Variants in CACNA1C observed in about 807,000 individuals in gnomAD.
CACNA1C encodes voltage-dependent L-type calcium channel subunit alpha-1C.
CACNA1C carries 30 observed loss-of-function variants against 229.0 expected under a neutral mutation model. That is an observed-to-expected ratio of 0.13 (90% confidence interval 0.10 to 0.18). The LOEUF is 0.18. CACNA1C is among the 10% of genes least tolerant of loss of function. The pLI, the probability that CACNA1C is intolerant of heterozygous loss-of-function variation, is 1.00. For missense variants in CACNA1C, 1,658 were observed against 2,845.0 expected (o/e 0.58, Z 9.49); for synonymous variants, 1,114 against 1,132.5 (o/e 0.98, Z 0.33).
At chr12:2,422,711 A>T (rs1319785347) in intron 3 of CACNA1C, among the ~76,000 whole-genome samples, 1 of 152,154 alleles carries the variant, frequency 6.6e-6, no homozygotes, top group Non-Finnish European at 1.5e-5. Flanking sequence ...GGTAAAGGGC[A>T]CCACCTTATG....
chr12:2,606,037 T>C (rs1453924451), intron 24 of CACNA1C, among the ~76,000 whole-genome samples: 1 of 152,086 alleles, frequency 6.6e-6, no homozygotes, highest in Non-Finnish European at 1.5e-5. Context: ...TGCCCTTCCT[T>C]CTAGAAAGAG....
chr12:2,052,936 G>C, upstream of CACNA1C: 1 of 970,988 alleles, frequency 1.0e-6, no homozygotes, highest in Non-Finnish European at 1.2e-6. Context: ...GGGCGCGGGC[G>C]CGGCGGGGCT....
chr12:1,990,285 G>C (rs2154473122), intron 1 of CACNA1C, among the ~76,000 whole-genome samples: 1 of 152,318 alleles, frequency 6.6e-6, no homozygotes, highest in Non-Finnish European at 1.5e-5. Context: ...ATAAATGAAT[G>C]AATGAAATGT....
chr12:2,422,129 A>T (rs2098985546), intron 3 of CACNA1C, among the ~76,000 whole-genome samples: 1 of 152,166 alleles, frequency 6.6e-6, no homozygotes. Flanking sequence ...TCAGTTTCCA[A>T]AAAGTAAACA....
rs566436898 is a variant in CACNA1C, at chr12:2,669,102, G to C, written c.4726+67G>C. On this transcript the variant is annotated intron_variant, in intron 38 of 46. Transcript: ENST00000399655. ...CTAGCAGACAATCAGAGAGGAGCTC[G>C]GCAGCCTGCAAAGTGCTCAAGGGAA... 5.3e-6 allele frequency: 6 copies of C among 1,134,556 alleles called. No homozygotes were observed. In the East Asian group the frequency reaches 1.4e-4, roughly 27 times the overall value. The allele number at this position is 1,134,556 out of a possible 1,614,324, so 70.3% of individuals were successfully genotyped here. A position where few individuals can be genotyped will look rare whatever the true frequency, so the allele number is the denominator to read the frequency against.
intron 3 of CACNA1C, among the ~76,000 whole-genome samples, chr12:2,209,222 T>C (rs557833433): frequency 5.9e-5 from 9 of 152,308 alleles, no homozygotes; most frequent in Admixed American, 4.6e-4. Context: ...AAGAATTTGT[T>C]TTTATAAAAA....
At chr12:2,199,545 G>A (rs1298644646) in intron 3 of CACNA1C, among the ~76,000 whole-genome samples, 1 of 152,050 alleles carries the variant, frequency 6.6e-6, no homozygotes, top group Non-Finnish European at 1.5e-5. Context: ...CTATCCTGTT[G>A]GTGAGCCTTC....
At chr12:2,669,064 ACACT>A (rs1569160853) in intron 38 of CACNA1C, 29 bp downstream of exon 38, 2 of 1,449,596 alleles carry the variant, frequency 1.4e-6, no homozygotes, top group Non-Finnish European at 1.9e-6. Flanking sequence ...ACTGGGAGAG[ACACT>A]CAGAAGGTCT....
chr12:2,328,987 A>G (rs544884248), intron 3 of CACNA1C, among the ~76,000 whole-genome samples: 5 of 152,180 alleles, frequency 3.3e-5, no homozygotes, highest in South Asian at 4.2e-4. Context: ...CCCTTGTTCT[A>G]TTTTTACCTC....
chr12:2,441,820 C>G (rs2154561182), intron 3 of CACNA1C, among the ~76,000 whole-genome samples: 1 of 152,302 alleles, frequency 6.6e-6, no homozygotes, highest in East Asian at 1.9e-4. Flanking sequence ...CATATTGGCT[C>G]CCTGGACCCT....
chr12:2,155,438 T>TA (rs2095508144), intron 3 of CACNA1C, among the ~76,000 whole-genome samples: 1 of 152,234 alleles, frequency 6.6e-6, no homozygotes, highest in African/African-American at 2.4e-5. Context: ...CAAAGGATCT[T>TA]AAGGACTTTT....
rs370864993 is a variant in CACNA1C at position 2,665,008 on chromosome 12, T to G, written c.4398+18T>G. On this transcript the variant is annotated intron_variant, in intron 35 of 46. Coordinates refer to ENST00000399655, the MANE Select transcript of CACNA1C (RefSeq NM_000719.7). The surrounding 1 kb of genome is among the most constrained non-coding windows in gnomAD (Gnocchi z 5.9). ...CCTTCCTGGTAAGCCAAGGGGGAAC[T>G]CAACAGCCAGCAGCCATGACTGCCC... 81 of 1,613,374 alleles carry G rather than the reference T, an allele frequency of 5.0e-5. No individual in the cohort carries two copies. The highest frequency in any genetic ancestry group is 6.8e-5 in the Non-Finnish European group (80 of 1,179,744).
At chr12:2,621,250 G>A (rs2083082270) in intron 29 of CACNA1C, among the ~76,000 whole-genome samples, 2 of 152,106 alleles carry the variant, frequency 1.3e-5, no homozygotes, top group African/African-American at 4.8e-5. Context: ...GCTGGGGTGG[G>A]GAAACTAAAG....
intron 3 of CACNA1C, among the ~76,000 whole-genome samples, chr12:2,336,473 G>C (rs2096699255): frequency 6.6e-6 from 1 of 152,126 alleles, no homozygotes; most frequent in Non-Finnish European, 1.5e-5. Flanking sequence ...GTGAATCTGA[G>C]ATTTCAACCA....
intron 3 of CACNA1C, among the ~76,000 whole-genome samples, chr12:2,441,060 G>A (rs190103614): frequency 3.9e-5 from 6 of 152,348 alleles, no homozygotes; most frequent in South Asian, 2.1e-4. Context: ...GAGATACAGC[G>A]TGCTGCTTGA....
chr12:2,051,988 T>A (rs1012342541), upstream of CACNA1C, among the ~76,000 whole-genome samples: 1 of 152,064 alleles, frequency 6.6e-6, no homozygotes, highest in African/African-American at 2.4e-5. Flanking sequence ...AGGTAGAGGT[T>A]TTCCCCAAGA....
intron 3 of CACNA1C, among the ~76,000 whole-genome samples, chr12:2,257,728 CCAGGTTCTCA>C (rs1258351887): frequency 2.0e-5 from 3 of 152,206 alleles, no homozygotes; most frequent in African/African-American, 7.2e-5. Context: ...CCAGATTCTC[CCAGGTTCTCA>C]AGCAGTGAGG....
At chr12:2,172,714 A>G (rs1277450590) in intron 3 of CACNA1C, among the ~76,000 whole-genome samples, 3 of 152,218 alleles carry the variant, frequency 2.0e-5, no homozygotes, top group Non-Finnish European at 2.9e-5. Flanking sequence ...GGATTAGGGA[A>G]ACGGGATTAT....
chr12:2,545,467 C>T (rs2099879448), intron 9 of CACNA1C, among the ~76,000 whole-genome samples: 1 of 152,126 alleles, frequency 6.6e-6, no homozygotes, highest in South Asian at 2.1e-4. Flanking sequence ...TTTTGAACCA[C>T]CACTGTGCCG....
Sources: gnomAD v4.1 joint callset for allele counts (sites outside exome capture counted in the v4.1 genomes callset) on GRCh38, gnomAD v4.1.1 for gene constraint, Gnocchi (gnomAD v3.1) non-coding constraint, MANE v1.5 for transcripts, NCBI Gene and HGNC (gene_info 2026-07-23, HGNC 2026-07-21) for gene names.